Variants in CCSER1 observed in about 807,000 individuals in gnomAD.
The protein encoded by CCSER1 is coiled-coil serine rich protein 1, also known as serine-rich coiled-coil domain-containing protein 1.
CCSER1 carries 41 observed loss-of-function variants against 82.0 expected under a neutral mutation model. That is an observed-to-expected ratio of 0.50 (90% confidence interval 0.39 to 0.65). CCSER1 has a LOEUF of 0.65. Ranked by LOEUF, CCSER1 falls within the 30% of genes least tolerant of loss-of-function variation. The probability of loss-of-function intolerance (pLI) is 0.00; values close to 1 mark genes in which losing one functional copy is unlikely to be tolerated. For synonymous variants in CCSER1, 414 were observed against 383.9 expected (o/e 1.08, Z -0.92); for missense variants, 1,119 against 1,064.2 (o/e 1.05, Z -0.72).
intron 4 of CCSER1, among the ~76,000 whole-genome samples, chr4:90,419,774 T>C (rs960551137): frequency 1.3e-5 from 2 of 151,940 alleles, no homozygotes; most frequent in Non-Finnish European, 2.9e-5. Flanking sequence ...TGGAGAGCTG[T>C]ATAATTCACT....
At chr4:91,411,717 C>A (rs77690933) in intron 10 of CCSER1, among the ~76,000 whole-genome samples, 1 of 130,644 alleles carries the variant, frequency 7.7e-6, no homozygotes, top group African/African-American at 3.0e-5. Flanking sequence ...TTTTTTTTTT[C>A]ATCCCACTAC....
At chr4:90,754,612 A>G (rs1020139919) in intron 7 of CCSER1, among the ~76,000 whole-genome samples, 1 of 151,954 alleles carries the variant, frequency 6.6e-6, no homozygotes, top group Admixed American at 6.6e-5. Context: ...CCTTAATGCA[A>G]CCCATTACAG....
At position 90,309,378 on chromosome 4, in the gene CCSER1, G is replaced by C. The variant is rs1734892295; in HGVS notation, c.1094G>C (p.Ser365Thr). The C allele has an allele frequency of 3.7e-6, 6 of 1,613,854 alleles. No individual in the cohort carries two copies. In the East Asian group the frequency reaches 1.3e-4, roughly 36 times the overall value. Reference protein sequence around the residue: ...LPATSVSHSESNLPADSEREE... With the variant: ...LPATSVSHSETNLPADSEREE... ...GCTACAAGTGTGAGCCACTCAGAGAGTAACCTACCAGCAGATAGTGAAAGA... is the reference window on the plus strand; with the variant it reads ...GCTACAAGTGTGAGCCACTCAGAGACTAACCTACCAGCAGATAGTGAAAGA... Residue 365 changes from serine to threonine, a missense_variant, in exon 2 of 11, where the codon AGT becomes ACT. Physicochemically the swap from Ser to Thr is moderately conservative, Grantham distance 58. Transcript: ENST00000509176.
chr4:91,555,094 T>C (rs889069122), intron 10 of CCSER1, among the ~76,000 whole-genome samples: 1 of 150,942 alleles, frequency 6.6e-6, no homozygotes, highest in Non-Finnish European at 1.5e-5. Context: ...TAAAAGAAAA[T>C]ATATGAGGAA....
At chr4:90,981,706 A>G (rs1452578243) in intron 9 of CCSER1, among the ~76,000 whole-genome samples, 1 of 151,838 alleles carries the variant, frequency 6.6e-6, no homozygotes, top group Non-Finnish European at 1.5e-5. Flanking sequence ...GGGGAACCCA[A>G]GTTCAAGAGG....
intron 10 of CCSER1, among the ~76,000 whole-genome samples, chr4:91,580,571 A>G (rs1268422207): frequency 1.3e-5 from 2 of 151,920 alleles, no homozygotes; most frequent in Middle Eastern, 3.4e-3. Context: ...TTTTGCATCA[A>G]TTGATGGTAC....
chr4:91,477,187 C>A (rs143313745), intron 10 of CCSER1, among the ~76,000 whole-genome samples: 226 of 151,388 alleles, frequency 1.5e-3, no homozygotes, highest in Middle Eastern at 3.4e-3. Context: ...GGATTAATAC[C>A]CAGAATAGAT....
chr4:90,629,325 C>A (rs1723912381), intron 6 of CCSER1, among the ~76,000 whole-genome samples: 1 of 152,110 alleles, frequency 6.6e-6, no homozygotes. Flanking sequence ...ATACCTGAGG[C>A]TAGGTAATTT....
intron 6 of CCSER1, among the ~76,000 whole-genome samples, chr4:90,661,686 A>G (rs2149097762): frequency 6.6e-6 from 1 of 152,276 alleles, no homozygotes; most frequent in South Asian, 2.1e-4. Context: ...AAAATTTCCT[A>G]AAATATCAGA....
intron 1 of CCSER1, among the ~76,000 whole-genome samples, chr4:90,263,133 C>G (rs11940424): frequency 0.045 from 6,800 of 152,242 alleles, 389 homozygotes; most frequent in African/African-American, 0.13. Context: ...GAGAAACTTC[C>G]CACCAGCGGA....
chr4:90,719,094 A>G (rs2149357253), intron 6 of CCSER1, among the ~76,000 whole-genome samples: 1 of 152,184 alleles, frequency 6.6e-6, no homozygotes, highest in Admixed American at 6.5e-5. Flanking sequence ...GCCACACTGC[A>G]GGAGGTGAGC....
At chr4:91,288,287 A>G (rs1323581136) in intron 10 of CCSER1, among the ~76,000 whole-genome samples, 1 of 151,754 alleles carries the variant, frequency 6.6e-6, no homozygotes, top group African/African-American at 2.4e-5. Context: ...CAAAATCTGG[A>G]GAAAATTCAA....
At chr4:91,487,494 T>G (rs1758284850) in intron 10 of CCSER1, among the ~76,000 whole-genome samples, 1 of 152,156 alleles carries the variant, frequency 6.6e-6, no homozygotes, top group African/African-American at 2.4e-5. Context: ...GTAAAAGTTC[T>G]AATGGAACAG....
At chr4:90,611,059 C>CTTTTCTTTTTTTTTTTTTTT (rs1303751301) in intron 5 of CCSER1, among the ~76,000 whole-genome samples, 6 of 93,806 alleles carry the variant, frequency 6.4e-5, no homozygotes, top group African/African-American at 2.8e-4. Flanking sequence ...CTTTTCTTTT[C>CTTTTCTTTTTTTTTTTTTTT]TTTTTTTTTT....
chr4:90,535,617 T>C (rs1191290476), intron 5 of CCSER1, among the ~76,000 whole-genome samples: 1 of 152,210 alleles, frequency 6.6e-6, no homozygotes, highest in Admixed American at 6.5e-5. Flanking sequence ...CTACACTGGC[T>C]CATAGCTAGA....
At chr4:90,183,821 T>G in intron 1 of CCSER1, among the ~76,000 whole-genome samples, 1 of 152,122 alleles carries the variant, frequency 6.6e-6, no homozygotes, top group South Asian at 2.1e-4. Context: ...TTCCCAAATA[T>G]TTGAGTGAAC....
Position 91,598,913 on chromosome 4 carries a change from C to A in CCSER1, c.2559C>A (p.Ala853=). The A allele has an allele frequency of 6.4e-7, 1 of 1,551,602 alleles. No homozygotes were observed. Among genetic ancestry groups the A allele is most frequent in the East Asian group, 2.4e-5 (1 of 40,912 alleles). Residue 853 remains alanine (A), a synonymous_variant, in exon 11 of 11, where the codon GCC becomes GCA. Coordinates refer to ENST00000509176, the MANE Select transcript of CCSER1 (RefSeq NM_001145065.2). ...LEKPKDQVAT[A]RQHSTFTGRF... ...AACCAAAGGACCAAGTTGCTACGGC[C>A]CGACAGCATTCGACCTTTACAGGCA...
intron 10 of CCSER1, among the ~76,000 whole-genome samples, chr4:91,387,149 G>A (rs966538505): frequency 1.3e-5 from 2 of 151,900 alleles, no homozygotes; most frequent in African/African-American, 4.8e-5. Context: ...TCTGCAAGAG[G>A]ATGCCCTTGT....
intron 4 of CCSER1, among the ~76,000 whole-genome samples, chr4:90,403,356 G>C (rs541918534): frequency 6.6e-6 from 1 of 151,320 alleles, no homozygotes; most frequent in Non-Finnish European, 1.5e-5. Context: ...AAAATTAGCC[G>C]GGCGTAGTGG....
Sources: gnomAD v4.1 joint callset for allele counts (sites outside exome capture counted in the v4.1 genomes callset) on GRCh38, gnomAD v4.1.1 for gene constraint, MANE v1.5 for transcripts, NCBI Gene and HGNC (gene_info 2026-07-23, HGNC 2026-07-21) for gene names.